The following SPDYA variants were observed in gnomAD, a reference collection of about 807,000 sequenced individuals.
SPDYA encodes speedy protein A.
SPDYA carries 11 observed loss-of-function variants against 36.7 expected under a neutral mutation model. The observed-to-expected ratio is 0.30, with a 90% CI of 0.19 to 0.50. SPDYA has a LOEUF of 0.50. Ranked by LOEUF, SPDYA falls within the 20% of genes least tolerant of loss-of-function variation. The pLI is 0.98. For synonymous variants in SPDYA, 115 were observed against 118.7 expected (o/e 0.97, Z 0.20); for missense variants, 287 against 370.9 (o/e 0.77, Z 1.86).
At position 28,817,851 on chromosome 2, in the gene SPDYA, C is replaced by CA. The variant is rs70956049; in HGVS notation, c.236-1170dup. On this transcript the variant is annotated intron_variant, in intron 3 of 7. Coordinates refer to ENST00000334056, the MANE Select transcript of SPDYA (RefSeq NM_182756.4). ...TGGGTGACAGAGCAAGACTCTGTCT[C>CA]AAAAAAAAAAAAAAAAAAAAAAAAA... Among the ~76,000 whole-genome samples, 25 of 30,694 alleles carry CA rather than the reference C, an allele frequency of 8.1e-4. 1 individual carries two copies. The highest frequency in any genetic ancestry group is 2.6e-3 in the African/African-American group (16 of 6,254). The allele number at this position is 30,694 out of a possible 152,430, so 20.1% of individuals were successfully genotyped here.
chr2:28,826,181 G>A (rs1187369591), intron 5 of SPDYA, among the ~76,000 whole-genome samples: 1 of 152,098 alleles, frequency 6.6e-6, no homozygotes, highest in Non-Finnish European at 1.5e-5. Context: ...CTGTCACCCA[G>A]GCTGGAGTGC....
Position 28,843,880 on chromosome 2 carries a change from G to A in SPDYA, c.850+3411G>A, listed in dbSNP as rs542574610. On this transcript the variant is annotated intron_variant, in intron 7 of 7. Coordinates refer to ENST00000334056, the MANE Select transcript of SPDYA (RefSeq NM_182756.4). ...TTCTCCTTACTGTATGCTGTTGTAA[G>A]CTTTATGACGCCTGGGCTGGTCCAT... 6.6e-5 allele frequency among the ~76,000 whole-genome samples: 10 copies of A among 152,132 alleles called. 1 individual carries two copies. In the East Asian group the frequency reaches 1.7e-3, roughly 26 times the overall value.
At chr2:28,834,759 G>A (rs1385801434) in intron 6 of SPDYA, among the ~76,000 whole-genome samples, 1 of 152,186 alleles carries the variant, frequency 6.6e-6, no homozygotes, top group Non-Finnish European at 1.5e-5. Context: ...ATAGAGTGAT[G>A]AAAATGCTTC....
At chr2:28,832,767 C>A (rs952152360) in intron 6 of SPDYA, among the ~76,000 whole-genome samples, 36 of 152,052 alleles carry the variant, frequency 2.4e-4, no homozygotes, top group African/African-American at 8.5e-4. Flanking sequence ...ACCTCCACCA[C>A]TAATACTATA....
At chr2:28,816,384 G>T in intron 3 of SPDYA, 135 bp downstream of exon 3, 4 of 678,958 alleles carry the variant, frequency 5.9e-6, no homozygotes, top group Non-Finnish European at 8.9e-6. Context: ...AACCAAATTT[G>T]TTTTTGTTTT....
chr2:28,818,494 A>AT lies in SPDYA; in HGVS notation c.236-549dup, dbSNP rs1295098144. Reference sequence around the variant, plus strand: ...AGAGAAAGGGGGAATGGAAAAACAGATTTTTCTAGATTACATTCTGACAAC... The same window carrying AT: ...AGAGAAAGGGGGAATGGAAAAACAGATTTTTTCTAGATTACATTCTGACAAC... On this transcript the variant is annotated intron_variant, in intron 3 of 7. Transcript: ENST00000334056. 4.0e-5 allele frequency among the ~76,000 whole-genome samples: 6 copies of AT among 151,222 alleles called. No individual in the cohort carries two copies. The South Asian group carries it at 1.0e-3, about 26-fold the overall frequency.
In SPDYA at chr2:28,840,937, T is replaced by G. The variant is rs141439479; in HGVS notation, c.850+468T>G. 1,190 of 267,892 alleles carry G rather than the reference T, an allele frequency of 4.4e-3. 14 individuals are homozygous for G. Among genetic ancestry groups the G allele is most frequent in the African/African-American group, 0.018 (753 of 42,916 alleles). The allele number at this position is 267,892 out of a possible 1,614,324, so 16.6% of individuals were successfully genotyped here. On this transcript the variant is annotated intron_variant, in intron 7 of 7. Coordinates refer to ENST00000334056, the MANE Select transcript of SPDYA (RefSeq NM_182756.4). ...TTGAGTCCTCCAAAACCAGTTTTTTTTTTTTTTTTTTTTTTGAAACAGAGT... is the reference window on the plus strand; with the variant it reads ...TTGAGTCCTCCAAAACCAGTTTTTTGTTTTTTTTTTTTTTTGAAACAGAGT...
In SPDYA at chr2:28,829,943, CAAA is replaced by C. The variant is rs1295866091; in HGVS notation, c.552+638_552+640del. On this transcript the variant is annotated intron_variant, in intron 6 of 7. Transcript: ENST00000334056. Reference sequence around the variant, plus strand: ...TGGGCGACAGAGCGAGACTCCATCTCAAAAAAAAAAAAAAAAGAAAAGAAAAGA... The same window carrying C: ...TGGGCGACAGAGCGAGACTCCATCTCAAAAAAAAAAAAAGAAAAGAAAAGA... Among the ~76,000 whole-genome samples, 27 of 20,088 alleles carry C rather than the reference CAAA, an allele frequency of 1.3e-3. 1 individual carries two copies. Among genetic ancestry groups the C allele is most frequent in the Non-Finnish European group, 2.2e-3 (17 of 7,632 alleles). The allele number at this position is 20,088 out of a possible 152,430, so 13.2% of individuals were successfully genotyped here. A position where few individuals can be genotyped will look rare whatever the true frequency, so the allele number is the denominator to read the frequency against.
chr2:28,843,823 A>T (rs879696034), intron 7 of SPDYA, among the ~76,000 whole-genome samples: 5 of 152,264 alleles, frequency 3.3e-5, no homozygotes, highest in Admixed American at 3.3e-4. Context: ...TGAATATATA[A>T]CATATTTTTA....
chr2:28,838,880 G>A (rs1318811996), intron 6 of SPDYA, among the ~76,000 whole-genome samples: 1 of 152,156 alleles, frequency 6.6e-6, no homozygotes, highest in Admixed American at 6.5e-5. Flanking sequence ...CTTTCTAAAT[G>A]TTTTGAAAAT....
intron 5 of SPDYA, 133 bp from the exon 6 acceptor site, chr2:28,829,015 T>G (rs1228381412): frequency 3.0e-6 from 2 of 672,882 alleles, no homozygotes; most frequent in African/African-American, 3.7e-5. Flanking sequence ...TCTCTATTTT[T>G]GAACTGCATT....
intron 5 of SPDYA, among the ~76,000 whole-genome samples, chr2:28,823,745 A>ATATATATGTAT (rs1491479223): frequency 2.3e-5 from 1 of 42,858 alleles, no homozygotes. Flanking sequence ...ATATATATAT[A>ATATATATGTAT]AAATTTTTTT....
At chr2:28,835,830 T>G (rs1320669666) in intron 6 of SPDYA, among the ~76,000 whole-genome samples, 2 of 152,228 alleles carry the variant, frequency 1.3e-5, no homozygotes, top group African/African-American at 2.4e-5. Flanking sequence ...CCTGTTCTGT[T>G]AAGTGTTCAC....
At chr2:28,840,812 A>C in intron 7 of SPDYA, 1 of 986,188 alleles carries the variant, frequency 1.0e-6, no homozygotes, top group Non-Finnish European at 1.2e-6. Context: ...CCTTCCAACT[A>C]TTGGTTTCCT....
intron 6 of SPDYA, among the ~76,000 whole-genome samples, chr2:28,830,424 C>A (rs1176203264): frequency 6.6e-6 from 1 of 151,914 alleles, no homozygotes; most frequent in African/African-American, 2.4e-5. Flanking sequence ...AGGATAGTGT[C>A]AATCTCCTGA....
chr2:28,837,536 T>C (rs1203689024), intron 6 of SPDYA, among the ~76,000 whole-genome samples: 9 of 152,186 alleles, frequency 5.9e-5, no homozygotes, highest in Admixed American at 5.2e-4. Flanking sequence ...AAGGTCAAAG[T>C]AATATTAATA....
intron 6 of SPDYA, among the ~76,000 whole-genome samples, chr2:28,837,473 G>T (rs1165605955): frequency 2.6e-5 from 4 of 152,160 alleles, no homozygotes; most frequent in African/African-American, 9.7e-5. Context: ...ATGGTCAACA[G>T]GTATGGTAAA....
chr2:28,830,525 G>C (rs1457130192), intron 6 of SPDYA, among the ~76,000 whole-genome samples: 1 of 152,028 alleles, frequency 6.6e-6, no homozygotes, highest in Non-Finnish European at 1.5e-5. Flanking sequence ...TTTTATTTTA[G>C]TGTATTTCTT....
intron 6 of SPDYA, among the ~76,000 whole-genome samples, chr2:28,832,836 C>T (rs1668508881): frequency 7.2e-6 from 1 of 138,332 alleles, no homozygotes; most frequent in South Asian, 2.3e-4. Flanking sequence ...GTCTCTCCCA[C>T]CCCCACCTTT....
Sources: gnomAD v4.1 joint callset for allele counts (sites outside exome capture counted in the v4.1 genomes callset) on GRCh38, gnomAD v4.1.1 for gene constraint, MANE v1.5 for transcripts, NCBI Gene and HGNC (gene_info 2026-07-23, HGNC 2026-07-21) for gene names.